The following SUPT3H variants were observed in gnomAD, a reference collection of about 807,000 sequenced individuals.
SUPT3H encodes the protein SPT3 homolog, SAGA and STAGA complex component, also known as transcription initiation protein SPT3 homolog.
In SUPT3H, 44 loss-of-function variants were observed where a neutral mutation model predicts 44.3. The ratio of observed to expected loss-of-function variants is 0.99; its 90% CI spans 0.78 to 1.28. SUPT3H has a LOEUF of 1.28. SUPT3H is among the 50% of genes most tolerant of loss of function. The pLI is 0.00. For synonymous variants in SUPT3H, 124 were observed against 125.6 expected, an observed-to-expected ratio of 0.99 and a Z score of 0.09; for missense variants, 380 against 387.1, an observed-to-expected ratio of 0.98 and a Z score of 0.15.
At chr6:45,166,123 T>C (rs771097427) in intron 2 of SUPT3H, among the ~76,000 whole-genome samples, 7 of 152,040 alleles carry the variant, frequency 4.6e-5, no homozygotes, top group Non-Finnish European at 1.0e-4. Flanking sequence ...GGAGATGTCA[T>C]CTCTACAAAA....
intron 2 of SUPT3H, among the ~76,000 whole-genome samples, chr6:45,265,429 T>G (rs1775091168): frequency 6.6e-6 from 1 of 152,146 alleles, no homozygotes; most frequent in Non-Finnish European, 1.5e-5. Flanking sequence ...TGGCTAATGA[T>G]ATTTAGCATG....
At chr6:45,142,160 C>T (rs1034708677) in intron 2 of SUPT3H, among the ~76,000 whole-genome samples, 14 of 152,120 alleles carry the variant, frequency 9.2e-5, no homozygotes, top group East Asian at 5.8e-4. Flanking sequence ...GCTTCATAAA[C>T]GAGAGAAAGA....
At chr6:45,282,460 T>G (rs1584678983) in intron 2 of SUPT3H, among the ~76,000 whole-genome samples, 2 of 152,308 alleles carry the variant, frequency 1.3e-5, no homozygotes, top group African/African-American at 4.8e-5. Flanking sequence ...AGTAGCCGAT[T>G]CGATCAACTG....
chr6:45,094,883 T>C (rs531300255), intron 3 of SUPT3H, among the ~76,000 whole-genome samples: 1 of 152,166 alleles, frequency 6.6e-6, no homozygotes, highest in African/African-American at 2.4e-5. Flanking sequence ...AGAAAAGTAA[T>C]CAGATTTTAC....
chr6:45,063,769 A>G (rs200587389), intron 3 of SUPT3H, among the ~76,000 whole-genome samples: 2 of 141,890 alleles, frequency 1.4e-5, no homozygotes, highest in East Asian at 4.1e-4. Context: ...AAAAAGAGTA[A>G]AAAGAAATGA....
chr6:45,080,762 T>C (rs1795682516), intron 3 of SUPT3H, among the ~76,000 whole-genome samples: 1 of 151,992 alleles, frequency 6.6e-6, no homozygotes, highest in East Asian at 1.9e-4. Context: ...AGACAGATGG[T>C]TACCAGAGGC....
intron 2 of SUPT3H, among the ~76,000 whole-genome samples, chr6:45,213,649 C>A (rs1348717830): frequency 6.6e-6 from 1 of 151,846 alleles, no homozygotes; most frequent in Non-Finnish European, 1.5e-5. Context: ...AGTAAGCAAA[C>A]TTTTAAGGAT....
intron 2 of SUPT3H, among the ~76,000 whole-genome samples, chr6:45,125,437 T>G (rs1049592657): frequency 6.6e-6 from 1 of 152,194 alleles, no homozygotes. Flanking sequence ...TGATGGCAAA[T>G]GCACACTACT....
chr6:45,354,623 GCACACATA>G (rs1048490787), intron 2 of SUPT3H, among the ~76,000 whole-genome samples: 2 of 100,726 alleles, frequency 2.0e-5, no homozygotes, highest in African/African-American at 8.0e-5. Flanking sequence ...ACAAATGCAC[GCACACATA>G]CACACACACA....
chr6:44,830,895 T>TTTTTTTTTTTTTTTTTTTTTTTTTTTTG (rs1581864539), intron 10 of SUPT3H, among the ~76,000 whole-genome samples: 1 of 151,728 alleles, frequency 6.6e-6, no homozygotes, highest in African/African-American at 2.4e-5. Flanking sequence ...AGCCATATTT[T>TTTTTTTTTTTTTTTTTTTTTTTTTTTTG]AAGAAATACA....
intron 2 of SUPT3H, among the ~76,000 whole-genome samples, chr6:45,208,891 T>G (rs2153629577): frequency 6.7e-6 from 1 of 150,364 alleles, no homozygotes; most frequent in Middle Eastern, 3.4e-3. Context: ...TGACTTACCC[T>G]CTTGTTAGGG....
intron 3 of SUPT3H, among the ~76,000 whole-genome samples, chr6:45,094,910 A>G (rs1258536259): frequency 3.9e-5 from 6 of 152,132 alleles, no homozygotes; most frequent in Non-Finnish European, 1.5e-5. Context: ...AAAATATTCT[A>G]TTTTGAACAA....
At chr6:45,350,863 C>T (rs183108373) in intron 2 of SUPT3H, among the ~76,000 whole-genome samples, 2 of 151,056 alleles carry the variant, frequency 1.3e-5, no homozygotes, top group African/African-American at 5.0e-5. Context: ...GGGTCCCCAA[C>T]CCCCAGTTCC....
intron 5 of SUPT3H, among the ~76,000 whole-genome samples, chr6:45,011,259 C>A (rs1172044588): frequency 6.6e-6 from 1 of 151,934 alleles, no homozygotes; most frequent in East Asian, 1.9e-4. Flanking sequence ...AATTGGTATT[C>A]TTCTTTAAAC....
intron 2 of SUPT3H, among the ~76,000 whole-genome samples, chr6:45,236,526 C>A (rs1769178807): frequency 6.6e-6 from 1 of 152,056 alleles, no homozygotes; most frequent in South Asian, 2.1e-4. Flanking sequence ...AGATGTTCAT[C>A]CCTACCCTTC....
At chr6:45,364,704 T>C (rs1172628504) in intron 2 of SUPT3H, among the ~76,000 whole-genome samples, 2 of 152,344 alleles carry the variant, frequency 1.3e-5, no homozygotes, top group Admixed American at 6.5e-5. Flanking sequence ...GTTTTTCAAA[T>C]GCTCTAAGTT....
chr6:45,270,404 A>T (rs1348594069), intron 2 of SUPT3H, among the ~76,000 whole-genome samples: 3 of 152,060 alleles, frequency 2.0e-5, no homozygotes, highest in African/African-American at 7.2e-5. Context: ...TGACTGAATC[A>T]TGGGGGGAGG....
chr6:45,346,127 T>C (rs1384415141), intron 2 of SUPT3H, among the ~76,000 whole-genome samples: 2 of 152,156 alleles, frequency 1.3e-5, no homozygotes, highest in Admixed American at 6.6e-5. Flanking sequence ...TATAGTAGCA[T>C]ATCTGTAACT....
At chr6:44,996,178 C>G (rs1231602723) in intron 6 of SUPT3H, among the ~76,000 whole-genome samples, 3 of 151,814 alleles carry the variant, frequency 2.0e-5, no homozygotes, top group Non-Finnish European at 4.4e-5. Context: ...AAAATACTTT[C>G]TCGGTTTTAC....
Sources: allele counts gnomAD v4.1 joint callset (sites outside exome capture counted in the v4.1 genomes callset), GRCh38; gene constraint gnomAD v4.1.1; transcripts MANE v1.5; gene names NCBI Gene and HGNC (gene_info 2026-07-23, HGNC 2026-07-21).